Variants in AKT3 observed in about 807,000 individuals in gnomAD.
AKT3 encodes the protein AKT serine/threonine kinase 3.
Under a neutral mutation model 65.3 loss-of-function variants are expected in AKT3, and 15 were observed. The ratio of observed to expected loss-of-function variants is 0.23; its 90% CI spans 0.15 to 0.35. The LOEUF is 0.35. Ranked by LOEUF, AKT3 falls within the 10% of genes least tolerant of loss-of-function variation. The probability of loss-of-function intolerance (pLI) is 1.00; values close to 1 mark genes in which losing one functional copy is unlikely to be tolerated. For missense variants in AKT3, 243 were observed against 576.5 expected (o/e 0.42, Z 5.92); for synonymous variants, 206 against 183.8 (o/e 1.12, Z -0.98).
intron 2 of AKT3, among the ~76,000 whole-genome samples, chr1:243,825,092 G>A (rs966803648): frequency 5.3e-5 from 8 of 152,266 alleles, no homozygotes; most frequent in East Asian, 1.9e-4. Context: ...ACAAGATCAC[G>A]TCCTTTGCAG....
chr1:243,548,976 T>C (rs1423510600), intron 11 of AKT3, among the ~76,000 whole-genome samples: 2 of 152,200 alleles, frequency 1.3e-5, no homozygotes, highest in African/African-American at 4.8e-5. Flanking sequence ...CAAAGGCTTT[T>C]CAAGGTCCTT....
At chr1:243,782,676 T>C (rs1222454804) in intron 2 of AKT3, among the ~76,000 whole-genome samples, 2 of 152,120 alleles carry the variant, frequency 1.3e-5, no homozygotes, top group Non-Finnish European at 2.9e-5. Flanking sequence ...AATGGAACAA[T>C]GCTGATGAAT....
intron 5 of AKT3, among the ~76,000 whole-genome samples, chr1:243,638,447 C>T (rs1000859311): frequency 7.2e-5 from 11 of 152,120 alleles, no homozygotes; most frequent in African/African-American, 2.7e-4. Context: ...CTACAGTCCC[C>T]TCTATGTACT....
intron 8 of AKT3, among the ~76,000 whole-genome samples, chr1:243,592,120 G>C (rs1206417990): frequency 6.6e-6 from 1 of 152,114 alleles, no homozygotes; most frequent in Non-Finnish European, 1.5e-5. Flanking sequence ...CGGATCACGA[G>C]GTCAGGAGAT....
intron 8 of AKT3, among the ~76,000 whole-genome samples, chr1:243,575,907 C>T (rs1241847499): frequency 6.6e-6 from 1 of 151,790 alleles, no homozygotes; most frequent in East Asian, 1.9e-4. Flanking sequence ...ATGTAGGGAA[C>T]ACATGTAGCC....
intron 2 of AKT3, among the ~76,000 whole-genome samples, chr1:243,797,243 GCT>G (rs961959279): frequency 6.6e-6 from 1 of 151,636 alleles, no homozygotes; most frequent in South Asian, 2.1e-4. Context: ...TCTATGCAAA[GCT>G]CTCTCTCTCC....
Position 243,492,899 on chromosome 1 carries a change from C to T in AKT3, c.*7-4449G>A, listed in dbSNP as rs531010106. On this transcript the variant is annotated intron_variant, in intron 13 of 13. Transcript: ENST00000336199. Reference sequence around the variant, plus strand: ...TGGCATTACAGGCATGAGCTTTGCCCGGCCTCTTGGCTTGTTCTTAGTTTA... The same window carrying T: ...TGGCATTACAGGCATGAGCTTTGCCTGGCCTCTTGGCTTGTTCTTAGTTTA... 5.9e-5 allele frequency among the ~76,000 whole-genome samples: 9 copies of T among 152,190 alleles called. No homozygotes were observed. The South Asian group carries it at 6.2e-4, about 11-fold the overall frequency.
chr1:243,699,330 G>T (rs1010356329), intron 2 of AKT3, among the ~76,000 whole-genome samples: 1 of 151,334 alleles, frequency 6.6e-6, no homozygotes, highest in African/African-American at 2.4e-5. Flanking sequence ...CATTTATGAT[G>T]TACCAAGTAT....
chr1:243,624,102 A>G (rs539170918), intron 6 of AKT3, among the ~76,000 whole-genome samples: 1 of 152,328 alleles, frequency 6.6e-6, no homozygotes, highest in Non-Finnish European at 1.5e-5. Context: ...AGTTGCCATC[A>G]TAAGTAGGAC....
At chr1:243,640,253 T>C (rs750908204) in intron 5 of AKT3, among the ~76,000 whole-genome samples, 1 of 152,210 alleles carries the variant, frequency 6.6e-6, no homozygotes, top group South Asian at 2.1e-4. Flanking sequence ...TAATATTAGA[T>C]TTAATTGCAT....
chr1:243,686,175 A>G (rs2147993023), intron 3 of AKT3, among the ~76,000 whole-genome samples: 1 of 152,300 alleles, frequency 6.6e-6, no homozygotes, highest in South Asian at 2.1e-4. Flanking sequence ...AAATGGCCAT[A>G]CTGCCCAAAG....
chr1:243,526,059 AAG>A (rs2148398837), intron 12 of AKT3, among the ~76,000 whole-genome samples: 1 of 151,666 alleles, frequency 6.6e-6, no homozygotes, highest in Admixed American at 6.6e-5. Context: ...TGTGTGTGTA[AAG>A]AGATTACAGG....
At chr1:243,589,781 T>A (rs183439260) in intron 8 of AKT3, among the ~76,000 whole-genome samples, 1 of 152,226 alleles carries the variant, frequency 6.6e-6, no homozygotes, top group Non-Finnish European at 1.5e-5. Flanking sequence ...AAGGCAGGAC[T>A]GCAGGTATCT....
chr1:243,547,992 C>G (rs1457706234), intron 11 of AKT3: 5 of 152,220 alleles, frequency 3.3e-5, no homozygotes, highest in Admixed American at 3.3e-4. Flanking sequence ...ATTTCAGACC[C>G]TGCCCTCTTT....
chr1:243,762,813 A>C (rs1054132753), intron 2 of AKT3, among the ~76,000 whole-genome samples: 3 of 152,094 alleles, frequency 2.0e-5, no homozygotes, highest in Non-Finnish European at 4.4e-5. Context: ...AGTATATTAT[A>C]GTGAATTTTA....
rs143082997 is a variant in AKT3 at position 243,759,743 on chromosome 1, G to A, written c.47-64027C>T. Among the ~76,000 whole-genome samples, 1,472 of 152,006 alleles carry A rather than the reference G, an allele frequency of 9.7e-3. 30 individuals are homozygous for A. Among genetic ancestry groups the A allele is most frequent in the African/African-American group, 0.034 (1,407 of 41,460 alleles). ...GCTTCACAAACCTAGGAAAGAAGAA[G>A]GAAAAAGAGGAGATGGTAATACGAA... is the stretch of plus-strand genomic sequence containing the variant. On this transcript the variant is annotated intron_variant, in intron 2 of 13. Transcript: ENST00000673466.
intron 9 of AKT3, among the ~76,000 whole-genome samples, chr1:243,569,174 T>C (rs1039390313): frequency 6.6e-6 from 1 of 152,156 alleles, no homozygotes; most frequent in African/African-American, 2.4e-5. Context: ...GGGCATCCAG[T>C]GCCAAAATGT....
At chr1:243,748,829 G>C (rs1057139655) in intron 2 of AKT3, among the ~76,000 whole-genome samples, 1 of 152,094 alleles carries the variant, frequency 6.6e-6, no homozygotes, top group Non-Finnish European at 1.5e-5. Context: ...GACTTTCAAA[G>C]CCCCAATCTT....
intron 2 of AKT3, among the ~76,000 whole-genome samples, chr1:243,783,493 G>A (rs1691041619): frequency 6.6e-6 from 1 of 151,984 alleles, no homozygotes; most frequent in Non-Finnish European, 1.5e-5. Context: ...GTATAACTCT[G>A]GGTAAGTAGG....
Sources: gnomAD v4.1 joint callset for allele counts (sites outside exome capture counted in the v4.1 genomes callset) on GRCh38, gnomAD v4.1.1 for gene constraint, MANE v1.5 for transcripts, NCBI Gene and HGNC (gene_info 2026-07-23, HGNC 2026-07-21) for gene names.